Variants in AUTS2 observed in about 807,000 individuals in gnomAD.
AUTS2 encodes activator of transcription and developmental regulator AUTS2, also known as autism susceptibility gene 2 protein.
In AUTS2, 17 loss-of-function variants were observed where a neutral mutation model predicts 112.4. That is an observed-to-expected ratio of 0.15 (90% CI 0.10 to 0.23). The LOEUF is 0.23. Ranked by LOEUF, AUTS2 falls within the 10% of genes least tolerant of loss-of-function variation. The probability of loss-of-function intolerance (pLI) is 1.00; values close to 1 mark genes in which losing one functional copy is unlikely to be tolerated. For missense variants in AUTS2, 1,510 were observed against 1,701.6 expected (o/e 0.89, Z 1.98); for synonymous variants, 751 against 702.7 (o/e 1.07, Z -1.09).
intron 2 of AUTS2, among the ~76,000 whole-genome samples, chr7:69,971,330 A>G (rs1476347962): frequency 6.6e-6 from 1 of 152,184 alleles, no homozygotes; most frequent in African/African-American, 2.4e-5. Context: ...TTGTTTTCTC[A>G]TCTATTAAAT....
intron 1 of AUTS2, among the ~76,000 whole-genome samples, chr7:69,745,637 G>T (rs539561640): frequency 3.9e-5 from 6 of 152,240 alleles, no homozygotes; most frequent in Admixed American, 3.9e-4. Context: ...CTTGCTGCAG[G>T]TCTGTTGAGT....
At chr7:70,089,692 T>C (rs1406285853) in intron 2 of AUTS2, among the ~76,000 whole-genome samples, 1 of 152,158 alleles carries the variant, frequency 6.6e-6, no homozygotes, top group Non-Finnish European at 1.5e-5. Context: ...TTTCCACATT[T>C]TGTGCCTTTT....
chr7:70,409,722 G>C (rs1794695260), intron 4 of AUTS2, among the ~76,000 whole-genome samples: 1 of 152,172 alleles, frequency 6.6e-6, no homozygotes, highest in Non-Finnish European at 1.5e-5. Flanking sequence ...AATTTCTAAA[G>C]CAGAGACATT....
In AUTS2 at chr7:70,461,674, C is replaced by T. The variant is rs116536196; in HGVS notation, c.690+25893C>T. On this transcript the variant is annotated intron_variant, in intron 5 of 18. Coordinates refer to ENST00000342771, the MANE Select transcript of AUTS2 (RefSeq NM_015570.4). ...GAATTGTTTTGTGTAATTATCATCT[C>T]CTCTTTCCAACTAAGAAAACTGAAC... Among the ~76,000 whole-genome samples the T allele has an allele frequency of 3.8e-3, 573 of 152,250 alleles. 4 individuals carry two copies. The highest frequency in any genetic ancestry group is 0.013 in the African/African-American group (537 of 41,540).
intron 5 of AUTS2, among the ~76,000 whole-genome samples, chr7:70,472,835 A>G (rs1172136962): frequency 2.6e-5 from 4 of 152,210 alleles, no homozygotes; most frequent in Admixed American, 2.6e-4. Context: ...TCCTTGTTTC[A>G]CGTTAAGTTT....
At chr7:69,765,457 T>G (rs1436919057) in intron 1 of AUTS2, among the ~76,000 whole-genome samples, 3 of 152,052 alleles carry the variant, frequency 2.0e-5, no homozygotes, top group African/African-American at 7.2e-5. Context: ...CCAAAAGAGT[T>G]AGGTTTTTTA....
intron 3 of AUTS2, among the ~76,000 whole-genome samples, chr7:70,128,116 C>T (rs1806075451): frequency 6.6e-6 from 1 of 152,062 alleles, no homozygotes. Flanking sequence ...GTGTTTTATT[C>T]CTCTCTTTTT....
At chr7:70,229,591 A>G (rs1468646614) in intron 4 of AUTS2, among the ~76,000 whole-genome samples, 1 of 152,002 alleles carries the variant, frequency 6.6e-6, no homozygotes, top group Non-Finnish European at 1.5e-5. Context: ...ATAATTTTGG[A>G]AGTTTAGATT....
intron 5 of AUTS2, among the ~76,000 whole-genome samples, chr7:70,681,793 G>A (rs898321227): frequency 7.2e-5 from 11 of 152,084 alleles, no homozygotes; most frequent in Non-Finnish European, 1.5e-4. Context: ...CAAAAACTGG[G>A]AACGGGGGCT....
At chr7:69,936,367 TG>T (rs1004648465) in intron 2 of AUTS2, among the ~76,000 whole-genome samples, 2 of 152,138 alleles carry the variant, frequency 1.3e-5, no homozygotes, top group African/African-American at 4.8e-5. Context: ...GTTTTGTTTT[TG>T]AGACAGAGTC....
intron 4 of AUTS2, among the ~76,000 whole-genome samples, chr7:70,352,228 C>T (rs1021560471): frequency 2.0e-5 from 3 of 152,182 alleles, no homozygotes; most frequent in African/African-American, 7.2e-5. Context: ...TTAACCCCTG[C>T]ACTGTTCTGC....
chr7:70,536,643 G>A (rs1464778994), intron 5 of AUTS2, among the ~76,000 whole-genome samples: 3 of 127,156 alleles, frequency 2.4e-5, no homozygotes, highest in Non-Finnish European at 3.1e-5. Context: ...GCTCACGCCT[G>A]TAATCCCAGG....
intron 4 of AUTS2, among the ~76,000 whole-genome samples, chr7:70,335,415 C>T (rs1316826587): frequency 6.6e-6 from 1 of 152,166 alleles, no homozygotes; most frequent in African/African-American, 2.4e-5. Flanking sequence ...TTCTGCTCCC[C>T]GAAGTAGTGG....
chr7:70,146,360 T>C (rs1807124049), intron 4 of AUTS2, among the ~76,000 whole-genome samples: 1 of 152,142 alleles, frequency 6.6e-6, no homozygotes, highest in African/African-American at 2.4e-5. Flanking sequence ...TTCAGCTTCA[T>C]TGACCATAAT....
intron 5 of AUTS2, among the ~76,000 whole-genome samples, chr7:70,687,987 C>T (rs188274875): frequency 6.6e-6 from 1 of 152,320 alleles, no homozygotes; most frequent in African/African-American, 2.4e-5. Context: ...AGTAGGACAA[C>T]CTCGGCCTGC....
intron 2 of AUTS2, among the ~76,000 whole-genome samples, chr7:69,923,814 A>T (rs544681305): frequency 6.6e-6 from 1 of 152,178 alleles, no homozygotes; most frequent in East Asian, 1.9e-4. Flanking sequence ...AACCTTGCTA[A>T]ACTCACTTAT....
intron 2 of AUTS2, among the ~76,000 whole-genome samples, chr7:69,964,089 G>C (rs1424806609): frequency 6.6e-6 from 1 of 152,108 alleles, no homozygotes; most frequent in Non-Finnish European, 1.5e-5. Context: ...AAGAAAATTT[G>C]TGTGTTCTTA....
chr7:70,709,418 T>C (rs529886933), intron 6 of AUTS2, among the ~76,000 whole-genome samples: 1 of 152,194 alleles, frequency 6.6e-6, no homozygotes, highest in South Asian at 2.1e-4. Flanking sequence ...GTGTTAGAAA[T>C]ATTCTAGGGC....
intron 2 of AUTS2, among the ~76,000 whole-genome samples, chr7:70,059,665 G>A (rs1802153204): frequency 1.3e-5 from 2 of 152,164 alleles, no homozygotes; most frequent in African/African-American, 2.4e-5. Context: ...ACATCGTACT[G>A]TGGCTGGCAC....
Sources: gnomAD v4.1 joint callset for allele counts (sites outside exome capture counted in the v4.1 genomes callset) on GRCh38, gnomAD v4.1.1 for gene constraint, MANE v1.5 for transcripts, NCBI Gene and HGNC (gene_info 2026-07-23, HGNC 2026-07-21) for gene names.